CEP112: variants seen among roughly 807,000 people sequenced by gnomAD.
CEP112 encodes the protein centrosomal protein 112.
A neutral mutation model predicts 153.0 loss-of-function variants in CEP112; 127 were observed. The observed-to-expected ratio is 0.83, with a 90% confidence interval of 0.72 to 0.96. CEP112 has a LOEUF of 0.96. Ranked by LOEUF, CEP112 falls within the 40% of genes least tolerant of loss-of-function variation. The pLI is 0.00. For missense variants in CEP112, 1,089 were observed against 1,101.2 expected, an observed-to-expected ratio of 0.99 and a Z score of 0.16; for synonymous variants, 358 against 374.4, an observed-to-expected ratio of 0.96 and a Z score of 0.51.
chr17:66,003,874 C>T (rs2064158381), intron 17 of CEP112, among the ~76,000 whole-genome samples: 1 of 152,158 alleles, frequency 6.6e-6, no homozygotes, highest in Non-Finnish European at 1.5e-5. Context: ...AGTTTCATCC[C>T]AAAACCATTC....
chr17:65,929,659 G>T (rs2061054647), intron 18 of CEP112, among the ~76,000 whole-genome samples: 1 of 152,130 alleles, frequency 6.6e-6, no homozygotes, highest in South Asian at 2.1e-4. Context: ...CTCCTGCAGT[G>T]TAATGTCACC....
chr17:65,768,293 C>T (rs949854175), intron 21 of CEP112, among the ~76,000 whole-genome samples: 8 of 151,774 alleles, frequency 5.3e-5, no homozygotes, highest in African/African-American at 1.9e-4. Flanking sequence ...GTGGATCATC[C>T]TAAAGGTCTT....
intron 18 of CEP112, among the ~76,000 whole-genome samples, chr17:65,957,515 T>C (rs1386835370): frequency 1.3e-5 from 2 of 152,148 alleles, no homozygotes; most frequent in African/African-American, 4.8e-5. Context: ...CAATCCTACT[T>C]TCCTTTTTTT....
intron 17 of CEP112, among the ~76,000 whole-genome samples, chr17:65,984,973 T>C (rs752990758): frequency 1.3e-5 from 2 of 152,098 alleles, no homozygotes; most frequent in East Asian, 1.9e-4. Flanking sequence ...AAAATCCAGA[T>C]TGGAGGTCAC....
intron 21 of CEP112, among the ~76,000 whole-genome samples, chr17:65,778,597 A>G (rs2053821802): frequency 2.6e-5 from 4 of 152,004 alleles, no homozygotes; most frequent in Admixed American, 2.0e-4. Flanking sequence ...TAATGAATTA[A>G]TTAAAAAAAG....
At chr17:65,838,326 A>G (rs1441945502) in intron 21 of CEP112, among the ~76,000 whole-genome samples, 1 of 152,302 alleles carries the variant, frequency 6.6e-6, no homozygotes, top group East Asian at 1.9e-4. Flanking sequence ...ATGGAATAAA[A>G]CTAGCAATTA....
chr17:66,038,034 G>A (rs1478607103), intron 12 of CEP112, among the ~76,000 whole-genome samples: 1 of 149,970 alleles, frequency 6.7e-6, no homozygotes, highest in Non-Finnish European at 1.5e-5. Flanking sequence ...ACAGGGAGTC[G>A]GAGGTTGCAG....
chr17:66,090,074 A>G (rs78866557), intron 8 of CEP112, among the ~76,000 whole-genome samples: 1,763 of 152,222 alleles, frequency 0.012, 10 homozygotes, highest in Non-Finnish European at 0.019. Flanking sequence ...GAATATTGTG[A>G]GTGGCAAAGC....
At chr17:66,164,494 T>C (rs555105966) in intron 4 of CEP112, among the ~76,000 whole-genome samples, 2 of 145,088 alleles carry the variant, frequency 1.4e-5, no homozygotes, top group South Asian at 2.2e-4. Context: ...GAGGCAGAGG[T>C]TGCAGTGAGG....
At chr17:66,046,177 G>C (rs1364963333) in intron 12 of CEP112, among the ~76,000 whole-genome samples, 1 of 152,022 alleles carries the variant, frequency 6.6e-6, no homozygotes, top group Non-Finnish European at 1.5e-5. Context: ...CGAGTAGCTG[G>C]GACTACAAGC....
intron 25 of CEP112, 108 bp from the exon 26 acceptor site, chr17:65,637,296 A>G (rs1410765006): frequency 1.3e-6 from 1 of 768,526 alleles, no homozygotes; most frequent in Admixed American, 2.1e-5. Flanking sequence ...CCTAGATAAA[A>G]CTCAGAGGAT....
In CEP112 at chr17:65,802,949, AC is replaced by A. The variant is rs1314735838; in HGVS notation, c.2394+48854del. 4.6e-5 allele frequency among the ~76,000 whole-genome samples: 7 copies of A among 152,368 alleles called. No homozygotes were observed. In the South Asian group the frequency reaches 1.4e-3, roughly 32 times the overall value. On this transcript the variant is annotated intron_variant, in intron 21 of 26. Coordinates refer to ENST00000535342, the MANE Select transcript of CEP112 (RefSeq NM_001199165.4). ...TGGGAAGACCTTTACAAGTGCCTTC[AC>A]CAAATGAATGTGACAGAAATGACAC...
chr17:66,083,117 A>G (rs1196317972), intron 8 of CEP112, among the ~76,000 whole-genome samples: 3 of 152,202 alleles, frequency 2.0e-5, no homozygotes, highest in African/African-American at 7.2e-5. Flanking sequence ...CTTGAACTGT[A>G]GCTACCATCA....
rs188518850 is a variant in CEP112 at position 65,899,453 on chromosome 17, G to A, written c.2163+2699C>T. On this transcript the variant is annotated intron_variant, in intron 20 of 26. Transcript: ENST00000535342. ...ATGAGGAGACTACTTCATTGTTCTT[G>A]GTGCATTTCTATGTCTTATCATTGC... is the stretch of plus-strand genomic sequence containing the variant. 1.3e-3 allele frequency among the ~76,000 whole-genome samples: 198 copies of A among 151,984 alleles called. 1 individual carries two copies. Among genetic ancestry groups the A allele is most frequent in the African/African-American group, 4.3e-3 (180 of 41,480 alleles).
At chr17:65,695,167 G>A (rs1567875426) in intron 23 of CEP112, among the ~76,000 whole-genome samples, 2 of 152,286 alleles carry the variant, frequency 1.3e-5, no homozygotes, top group African/African-American at 2.4e-5. Flanking sequence ...AAATGTAAAC[G>A]ACATAAGCAG....
chr17:65,910,766 C>T lies in CEP112; in HGVS notation c.1981-8432G>A, dbSNP rs567295945. Among the ~76,000 whole-genome samples the T allele has an allele frequency of 7.2e-5, 11 of 152,096 alleles. No homozygotes were observed. The South Asian group carries it at 1.7e-3, about 23-fold the overall frequency. On this transcript the variant is annotated intron_variant, in intron 19 of 26. Transcript: ENST00000535342. ...AAAGAAAATCCATGTAAACACAGAC[C>T]GTGGTATCCGAAAATTTCCCTAAAA...
intron 8 of CEP112, among the ~76,000 whole-genome samples, chr17:66,089,453 A>C (rs2068056773): frequency 6.6e-6 from 1 of 152,224 alleles, no homozygotes; most frequent in African/African-American, 2.4e-5. Flanking sequence ...AATCAGAAAA[A>C]CAGTAAGTGT....
chr17:66,050,007 AAT>A (rs1278214202), intron 12 of CEP112, among the ~76,000 whole-genome samples: 1 of 121,774 alleles, frequency 8.2e-6, no homozygotes, highest in African/African-American at 2.6e-5. Context: ...CTCAGAACTA[AAT>A]TAAAAAACTC....
intron 21 of CEP112, among the ~76,000 whole-genome samples, chr17:65,805,143 T>C (rs189527912): frequency 2.8e-3 from 423 of 152,250 alleles, no homozygotes; most frequent in African/African-American, 9.6e-3. Flanking sequence ...CCACCATACC[T>C]GGCCTACAAG....
Sources: allele counts gnomAD v4.1 joint callset (sites outside exome capture counted in the v4.1 genomes callset), GRCh38; gene constraint gnomAD v4.1.1; transcripts MANE v1.5; gene names NCBI Gene and HGNC (gene_info 2026-07-23, HGNC 2026-07-21).